The following PARD3B variants were observed in gnomAD, a reference collection of about 807,000 sequenced individuals.
PARD3B encodes par-3 family cell polarity regulator beta.
Under a neutral mutation model 130.2 loss-of-function variants are expected in PARD3B, and 103 were observed. The observed-to-expected ratio is 0.79, with a 90% CI of 0.67 to 0.93. PARD3B has a LOEUF of 0.93. Ranked by LOEUF, PARD3B falls within the 40% of genes least tolerant of loss-of-function variation. The pLI is 0.00. For synonymous variants in PARD3B, 583 were observed against 553.2 expected (o/e 1.05, Z -0.76); for missense variants, 1,609 against 1,499.2 (o/e 1.07, Z -1.21).
rs923361427 is a variant in PARD3B, at chr2:205,274,116, T to G, written c.2186-26414T>G. Among the ~76,000 whole-genome samples, 1 of 152,200 alleles carries G rather than the reference T, an allele frequency of 6.6e-6. No individual in the cohort carries two copies. The highest frequency in any genetic ancestry group is 1.5e-5 in the Non-Finnish European group (1 of 68,034). On this transcript the variant is annotated intron_variant, in intron 16 of 22. Coordinates refer to ENST00000406610, the MANE Select transcript of PARD3B (RefSeq NM_001302769.2). The surrounding 1 kb of genome is among the most constrained non-coding windows in gnomAD (Gnocchi z 4.2). ...AAATATAGTTTTTTTAAAAAAAGTC[T>G]ATTTTATTTTCCCTCATATGTATAT...
At chr2:204,617,845 C>T (rs2034166881) in intron 1 of PARD3B, among the ~76,000 whole-genome samples, 1 of 152,196 alleles carries the variant, frequency 6.6e-6, no homozygotes, top group Non-Finnish European at 1.5e-5. Flanking sequence ...TGGCCTCCAG[C>T]TCCATTCACG....
At chr2:205,607,331 C>T (rs2105779959) in intron 22 of PARD3B, among the ~76,000 whole-genome samples, 1 of 152,230 alleles carries the variant, frequency 6.6e-6, no homozygotes, top group East Asian at 1.9e-4. Flanking sequence ...TCACCCGGTG[C>T]CAGCAGGCAC....
At chr2:205,598,311 C>T (rs1023255523) in intron 22 of PARD3B, among the ~76,000 whole-genome samples, 4 of 151,684 alleles carry the variant, frequency 2.6e-5, no homozygotes, top group African/African-American at 9.7e-5. Context: ...GCAGGGGTTG[C>T]TAATCTTCTA....
intron 20 of PARD3B, among the ~76,000 whole-genome samples, chr2:205,442,807 T>C (rs1026318590): frequency 6.6e-6 from 1 of 152,188 alleles, no homozygotes; most frequent in African/African-American, 2.4e-5. Context: ...AAGTTTCTTA[T>C]GATAATCTTA....
intron 15 of PARD3B, among the ~76,000 whole-genome samples, chr2:205,219,493 A>G (rs2038122470): frequency 6.6e-6 from 1 of 152,222 alleles, no homozygotes; most frequent in South Asian, 2.1e-4. Context: ...CAGTTTGCAT[A>G]TTAAACAGAT....
chr2:205,309,589 C>T lies in PARD3B; in HGVS notation c.2630+7888C>T, dbSNP rs904991332. 6.6e-6 allele frequency among the ~76,000 whole-genome samples: 1 copy of T among 152,100 alleles called. No homozygotes were observed. Among genetic ancestry groups the T allele is most frequent in the African/African-American group, 2.4e-5 (1 of 41,428 alleles). ...CACTCCTACACACACATCACACCTACCACTACCACCACAAACAACACACCA... is the reference window on the plus strand; with the variant it reads ...CACTCCTACACACACATCACACCTATCACTACCACCACAAACAACACACCA... On this transcript the variant is annotated intron_variant, in intron 18 of 22. Coordinates refer to ENST00000406610, the MANE Select transcript of PARD3B (RefSeq NM_001302769.2). This position sits in a 1 kb window ranked among gnomAD's most constrained non-coding sequence, Gnocchi z 4.7.
chr2:204,750,601 C>A (rs1363749841), intron 2 of PARD3B, among the ~76,000 whole-genome samples: 1 of 87,750 alleles, frequency 1.1e-5, no homozygotes, highest in Non-Finnish European at 2.3e-5. Flanking sequence ...TACACACATA[C>A]ATACATACAT....
At chr2:205,196,165 T>C (rs1367534857) in intron 15 of PARD3B, among the ~76,000 whole-genome samples, 1 of 152,182 alleles carries the variant, frequency 6.6e-6, no homozygotes, top group African/African-American at 2.4e-5. Context: ...ATGTGAGTGC[T>C]CCTAGAAAGC....
At chr2:204,613,167 A>AT (rs889168204) in intron 1 of PARD3B, among the ~76,000 whole-genome samples, 23 of 111,030 alleles carry the variant, frequency 2.1e-4, no homozygotes, top group Non-Finnish European at 3.9e-4. Context: ...CAGGAGATAT[A>AT]TTTTTTTTGA....
chr2:204,970,045 T>C (rs1184032914), intron 3 of PARD3B, among the ~76,000 whole-genome samples: 1 of 152,172 alleles, frequency 6.6e-6, no homozygotes, highest in Non-Finnish European at 1.5e-5. Context: ...TTTTTAAGTA[T>C]GTACATATAG....
chr2:204,978,664 A>T (rs1692398649), intron 3 of PARD3B, among the ~76,000 whole-genome samples: 1 of 152,188 alleles, frequency 6.6e-6, no homozygotes, highest in African/African-American at 2.4e-5. Flanking sequence ...CAACATTCAT[A>T]AAAATGACAG....
intron 1 of PARD3B, among the ~76,000 whole-genome samples, chr2:204,547,270 T>C (rs1252928335): frequency 6.6e-6 from 1 of 152,188 alleles, no homozygotes; most frequent in Non-Finnish European, 1.5e-5. Flanking sequence ...AGAATTATTA[T>C]ACAGAAAAAA....
At chr2:204,771,169 G>T (rs1229122695) in intron 2 of PARD3B, among the ~76,000 whole-genome samples, 1 of 152,020 alleles carries the variant, frequency 6.6e-6, no homozygotes, top group Non-Finnish European at 1.5e-5. Flanking sequence ...AGTAATTACA[G>T]TAATTTATAG....
chr2:205,337,643 C>A (rs181960124), intron 18 of PARD3B, among the ~76,000 whole-genome samples: 2 of 152,298 alleles, frequency 1.3e-5, no homozygotes, highest in African/African-American at 4.8e-5. Flanking sequence ...CATTCAGTCT[C>A]TCCCAAGTTA....
intron 13 of PARD3B, among the ~76,000 whole-genome samples, chr2:205,182,660 A>C (rs1368050754): frequency 1.3e-5 from 2 of 152,238 alleles, no homozygotes; most frequent in African/African-American, 4.8e-5. Flanking sequence ...GCTATCCAAG[A>C]ATTACTTTAC....
chr2:204,552,739 C>G (rs1330301243), intron 1 of PARD3B, among the ~76,000 whole-genome samples: 1 of 152,124 alleles, frequency 6.6e-6, no homozygotes, highest in African/African-American at 2.4e-5. Flanking sequence ...ATCGCAGCAC[C>G]ATTTGTTGAA....
intron 1 of PARD3B, among the ~76,000 whole-genome samples, chr2:204,618,740 A>G (rs2034196521): frequency 6.6e-6 from 1 of 152,206 alleles, no homozygotes. Flanking sequence ...AGGACTTATG[A>G]AATAAGTAGC....
chr2:204,710,690 G>T (rs2038391714), intron 2 of PARD3B, among the ~76,000 whole-genome samples: 1 of 152,198 alleles, frequency 6.6e-6, no homozygotes, highest in African/African-American at 2.4e-5. Flanking sequence ...CTGATTTGAA[G>T]AGTGATTCCA....
chr2:204,969,640 T>G (rs577228812), intron 3 of PARD3B, among the ~76,000 whole-genome samples: 2 of 152,254 alleles, frequency 1.3e-5, no homozygotes, highest in Non-Finnish European at 2.9e-5. Flanking sequence ...GGAACCCACA[T>G]TTCTTGGCTT....
Sources: allele counts gnomAD v4.1 joint callset (sites outside exome capture counted in the v4.1 genomes callset), GRCh38; gene constraint gnomAD v4.1.1; non-coding constraint Gnocchi (gnomAD v3.1); transcripts MANE v1.5; gene names NCBI Gene and HGNC (gene_info 2026-07-23, HGNC 2026-07-21).